The following SDC3 variants were observed in gnomAD, a reference collection of about 807,000 sequenced individuals.
SDC3 encodes syndecan-3.
In SDC3, 13 loss-of-function variants were observed where a neutral mutation model predicts 24.4. The ratio of observed to expected loss-of-function variants is 0.53; its 90% CI spans 0.35 to 0.85. SDC3 has a LOEUF of 0.85. Ranked by LOEUF, SDC3 falls within the 40% of genes least tolerant of loss-of-function variation. SDC3 has a pLI of 0.01. For synonymous variants in SDC3, 295 were observed against 260.9 expected (o/e 1.13, Z -1.26); for missense variants, 571 against 584.5 (o/e 0.98, Z 0.24).
At chr1:30,903,221 C>T (rs1285544924) in intron 1 of SDC3, among the ~76,000 whole-genome samples, 1 of 152,154 alleles carries the variant, frequency 6.6e-6, no homozygotes, top group Non-Finnish European at 1.5e-5. Flanking sequence ...CCTCCACACA[C>T]TTTCTAAGGG....
chr1:30,893,543 C>A (rs149340393), intron 1 of SDC3, among the ~76,000 whole-genome samples: 1 of 152,034 alleles, frequency 6.6e-6, no homozygotes, highest in African/African-American at 2.4e-5. Context: ...CTCATGGAGG[C>A]GTCCCCATCC....
At position 30,908,479 on chromosome 1, in the gene SDC3, CA is replaced by C; in HGVS notation, c.107del (p.Leu36ArgfsTer68). The C allele has an allele frequency of 9.7e-7, 1 of 1,027,064 alleles. No individual in the cohort carries two copies. The highest frequency in any genetic ancestry group is 5.0e-5 in the Admixed American group (1 of 19,802). The allele number at this position is 1,027,064 out of a possible 1,614,324, so 63.6% of individuals were successfully genotyped here. A position where few individuals can be genotyped will look rare whatever the true frequency, so the allele number is the denominator to read the frequency against. The part of the protein sequence containing the change: ...GARGLLLPPL[L>X]LLLLAGRAAG... ...CGGCGCGCCCCGCCAGCAGCAGCAG[CA>C]GCAGCGGTGGCAGGAGCAGCCCGCG... On this transcript the variant is annotated frameshift_variant, in exon 1 of 5. Coordinates refer to ENST00000339394, the MANE Select transcript of SDC3 (RefSeq NM_014654.4). LOFTEE classifies it high-confidence loss of function.
rs756939212 is a variant in SDC3, at chr1:30,873,417, G to T, written c.1163-40C>A. 5.1e-6 allele frequency: 8 copies of T among 1,557,320 alleles called. No homozygotes were observed. The South Asian group carries it at 7.9e-5, about 15-fold the overall frequency. ...GGCACAGGTCAAGGCCCAGAGGCAG[G>T]GTAGAACCAGGGCAAAGGGTCCTCA... On this transcript the variant is annotated intron_variant, in intron 4 of 4. Coordinates refer to ENST00000339394, the MANE Select transcript of SDC3 (RefSeq NM_014654.4).
chr1:30,894,887 C>T (rs1639979006), intron 1 of SDC3, among the ~76,000 whole-genome samples: 1 of 151,882 alleles, frequency 6.6e-6, no homozygotes, highest in Admixed American at 6.6e-5. Flanking sequence ...CTGAGTGTGT[C>T]CATGTTAGCG....
chr1:30,873,543 G>A (rs1557512342), intron 4 of SDC3, among the ~76,000 whole-genome samples, 166 bp from the exon 5 acceptor site: 1 of 152,024 alleles, frequency 6.6e-6, no homozygotes, highest in Non-Finnish European at 1.5e-5. Context: ...TACCATCATA[G>A]GCCTTCACTG....
intron 3 of SDC3, 93 bp from the exon 4 acceptor site, chr1:30,874,681 A>T (rs913231009): frequency 1.6e-5 from 19 of 1,155,280 alleles, no homozygotes; most frequent in South Asian, 2.8e-5. Flanking sequence ...AACACTTAGC[A>T]CTCCCTACAT....
intron 3 of SDC3, among the ~76,000 whole-genome samples, chr1:30,875,585 T>A (rs1639624490): frequency 6.6e-6 from 1 of 152,104 alleles, no homozygotes; most frequent in African/African-American, 2.4e-5. Flanking sequence ...CACCTCTCCA[T>A]CTTACTTAGT....
rs1639575144 is a variant in SDC3 at position 30,873,346 on chromosome 1, G to A, written c.1194C>T (p.Leu398=). The stretch of plus-strand genomic sequence containing the variant: ...GCAGTGTGACCAAGAAGGCAGCAAA[G>A]AGGGCGCCCACCACCCCGCCCACAA... The part of the protein sequence containing the change: ...AVIVGGVVGA[L]FAAFLVTLLI... The change falls in exon 5 of 5, where the codon CTC becomes CTT. Residue 398 remains leucine, a synonymous_variant. Transcript: ENST00000339394. 1.9e-6 allele frequency: 3 copies of A among 1,613,880 alleles called. No homozygotes were observed. The highest frequency in any genetic ancestry group is 1.3e-5 in the African/African-American group (1 of 75,012).
At chr1:30,894,160 C>T (rs552273869) in intron 1 of SDC3, among the ~76,000 whole-genome samples, 14 of 149,678 alleles carry the variant, frequency 9.4e-5, no homozygotes, top group East Asian at 2.0e-4. Context: ...TGTGAGTGTG[C>T]GTGTGTGTGA....
intron 1 of SDC3, among the ~76,000 whole-genome samples, chr1:30,880,380 T>A (rs1002668791): frequency 1.7e-4 from 1 of 5,944 alleles, no homozygotes; most frequent in Non-Finnish European, 3.0e-4. Context: ...ACGGGGAGGG[T>A]GGGCTGGGGG....
chr1:30,894,120 AGTGT>A (rs995033839), intron 1 of SDC3, among the ~76,000 whole-genome samples: 1 of 151,332 alleles, frequency 6.6e-6, no homozygotes, highest in Admixed American at 6.6e-5. Flanking sequence ...GAGCCCCAGC[AGTGT>A]GTGTGTGTGA....
rs1639493939 is a variant in SDC3 at position 30,869,545 on chromosome 1, A to AC, written c.*3665_*3666insG. ...TAAAAAAACAAACAAACAAAAAAAA[A>AC]AAAAAAAAAAAAAAAACAAAAACAA... On this transcript the variant is annotated 3_prime_UTR_variant, in exon 5 of 5. Coordinates refer to ENST00000339394, the MANE Select transcript of SDC3 (RefSeq NM_014654.4). The AC allele has an allele frequency of 2.6e-6, 1 of 392,022 alleles. No individual in the cohort carries two copies. Among genetic ancestry groups the AC allele is most frequent in the African/African-American group, 2.1e-5 (1 of 47,962 alleles). 24.3% of individuals were successfully genotyped at this position (392,022 alleles called of 1,614,324 possible). A position where few individuals can be genotyped will look rare whatever the true frequency, so the allele number is the denominator to read the frequency against.
At chr1:30,876,200 C>T (rs1030547756) in intron 3 of SDC3, among the ~76,000 whole-genome samples, 2 of 152,142 alleles carry the variant, frequency 1.3e-5, no homozygotes, top group African/African-American at 4.8e-5. Flanking sequence ...CCTGAGGTCC[C>T]GTGACTAGGA....
At chr1:30,908,405 G>A (rs1430723353) in intron 1 of SDC3, 44 bp downstream of exon 1, 4 of 1,000,616 alleles carry the variant, frequency 4.0e-6, no homozygotes, top group Non-Finnish European at 4.8e-6. Flanking sequence ...CGCGGGGGGC[G>A]GCCCCGGGGA....
chr1:30,893,556 C>T (rs1639939579), intron 1 of SDC3, among the ~76,000 whole-genome samples: 1 of 152,000 alleles, frequency 6.6e-6, no homozygotes, highest in Non-Finnish European at 1.5e-5. Flanking sequence ...CCCCATCCCA[C>T]CCTAGTCTCA....
At chr1:30,909,289 C>G (rs36020590), upstream of SDC3, among the ~76,000 whole-genome samples, 10,793 of 152,262 alleles carry the variant, frequency 0.071, 541 homozygotes, top group South Asian at 0.15. Context: ...GATCAGGGCC[C>G]GGCCCTCTCT....
At chr1:30,882,491 T>C (rs989967622) in intron 1 of SDC3, among the ~76,000 whole-genome samples, 2 of 152,154 alleles carry the variant, frequency 1.3e-5, no homozygotes, top group African/African-American at 4.8e-5. Flanking sequence ...GAGCAGCAGC[T>C]GGGGAGGCTC....
chr1:30,893,542 G>T (rs1225842328), intron 1 of SDC3, among the ~76,000 whole-genome samples: 1 of 151,856 alleles, frequency 6.6e-6, no homozygotes, highest in Non-Finnish European at 1.5e-5. Context: ...CCTCATGGAG[G>T]CGTCCCCATC....
chr1:30,906,244 C>T (rs892752591), intron 1 of SDC3, among the ~76,000 whole-genome samples: 2 of 152,166 alleles, frequency 1.3e-5, no homozygotes, highest in Non-Finnish European at 2.9e-5. Context: ...GACAGCTTGA[C>T]CCATGGGAAG....
Sources: gnomAD v4.1 joint callset for allele counts (sites outside exome capture counted in the v4.1 genomes callset) on GRCh38, gnomAD v4.1.1 for gene constraint, MANE v1.5 for transcripts, NCBI Gene and HGNC (gene_info 2026-07-23, HGNC 2026-07-21) for gene names.